ELOVL6: variants seen among roughly 807,000 people sequenced by gnomAD.
ELOVL6 encodes the protein very long chain fatty acid elongase 6.
Under a neutral mutation model 31.7 loss-of-function variants are expected in ELOVL6, and 8 were observed. The ratio of observed to expected loss-of-function variants is 0.25; its 90% CI spans 0.15 to 0.45. The LOEUF is 0.45. Among genes scored for constraint, ELOVL6 ranks in the 20% least tolerant of loss-of-function variants. The probability of loss-of-function intolerance (pLI) is 1.00; values close to 1 mark genes in which losing one functional copy is unlikely to be tolerated. For synonymous variants in ELOVL6, 101 were observed against 117.7 expected, an observed-to-expected ratio of 0.86 and a Z score of 0.92; for missense variants, 126 against 326.4, an observed-to-expected ratio of 0.39 and a Z score of 4.73.
At position 110,053,668 on chromosome 4, in the gene ELOVL6, G is replaced by A. The variant is rs76218415; in HGVS notation, c.374-1906C>T. On this transcript the variant is annotated intron_variant, in intron 3 of 3. Coordinates refer to ENST00000302274, the MANE Select transcript of ELOVL6 (RefSeq NM_024090.3). Reference sequence around the variant, plus strand: ...AAAAATACAAAAATTAGGCTGGCACGGTGGCTCACACCTGTAATTCCAGCA... The same window carrying A: ...AAAAATACAAAAATTAGGCTGGCACAGTGGCTCACACCTGTAATTCCAGCA... Among the ~76,000 whole-genome samples, 1,175 of 152,182 alleles carry A rather than the reference G, an allele frequency of 7.7e-3. 59 individuals carry two copies. In the East Asian group the frequency reaches 0.11, roughly 14 times the overall value.
chr4:110,165,740 G>A (rs1758756878), intron 1 of ELOVL6, among the ~76,000 whole-genome samples: 1 of 151,864 alleles, frequency 6.6e-6, no homozygotes, highest in Non-Finnish European at 1.5e-5. Flanking sequence ...ATTCCTGTCA[G>A]AACTAACAGG....
chr4:110,062,108 C>T (rs1320414801), intron 2 of ELOVL6, among the ~76,000 whole-genome samples: 1 of 152,034 alleles, frequency 6.6e-6, no homozygotes, highest in East Asian at 1.9e-4. Context: ...TAGAAGACTT[C>T]AGAGGAAGTG....
intron 2 of ELOVL6, among the ~76,000 whole-genome samples, chr4:110,091,664 C>T (rs28572278): frequency 0.26 from 39,444 of 151,990 alleles, 5,808 homozygotes; most frequent in East Asian, 0.59. Flanking sequence ...GCTCCAGTTC[C>T]GGGTTAACAC....
At chr4:110,084,553 C>T (rs1411667699) in intron 2 of ELOVL6, among the ~76,000 whole-genome samples, 2,552 of 57,206 alleles carry the variant, frequency 0.045, 182 homozygotes, top group African/African-American at 0.17. Flanking sequence ...CACACACACA[C>T]ACACACACAG....
At chr4:110,167,564 ACT>A (rs1758811780) in intron 1 of ELOVL6, among the ~76,000 whole-genome samples, 1 of 152,078 alleles carries the variant, frequency 6.6e-6, no homozygotes, top group African/African-American at 2.4e-5. Context: ...GCAGAGTCTC[ACT>A]CTGTTGCCCA....
At chr4:110,070,155 C>T (rs1485343906) in intron 2 of ELOVL6, among the ~76,000 whole-genome samples, 1 of 152,212 alleles carries the variant, frequency 6.6e-6, no homozygotes, top group Non-Finnish European at 1.5e-5. Context: ...TGCCACAACG[C>T]ATTCCTGTGG....
chr4:110,187,248 G>T (rs1241441898), intron 1 of ELOVL6, among the ~76,000 whole-genome samples: 1 of 151,576 alleles, frequency 6.6e-6, no homozygotes, highest in African/African-American at 2.4e-5. Context: ...ACAATTAAGA[G>T]GTCCTTTGAC....
At chr4:110,072,930 A>G (rs72676985) in intron 2 of ELOVL6, among the ~76,000 whole-genome samples, 8,636 of 152,224 alleles carry the variant, frequency 0.057, 275 homozygotes, top group Middle Eastern at 0.095. Context: ...CCCCAATTTA[A>G]TCACGAAATG....
chr4:110,147,653 T>C (rs1177001967), intron 1 of ELOVL6, among the ~76,000 whole-genome samples: 1 of 151,172 alleles, frequency 6.6e-6, no homozygotes, highest in East Asian at 2.0e-4. Flanking sequence ...CAACTGGGTA[T>C]GGTGGTGTGT....
chr4:110,069,087 G>A (rs185005417), intron 2 of ELOVL6, among the ~76,000 whole-genome samples: 12 of 150,906 alleles, frequency 8.0e-5, no homozygotes, highest in Admixed American at 4.0e-4. Context: ...CCAAGATTGC[G>A]CCACTGCACT....
At chr4:110,134,187 G>T (rs1757745700) in intron 1 of ELOVL6, among the ~76,000 whole-genome samples, 1 of 152,098 alleles carries the variant, frequency 6.6e-6, no homozygotes, top group East Asian at 1.9e-4. Flanking sequence ...CATTAGGTGT[G>T]GTGCTCAGGG....
intron 2 of ELOVL6, among the ~76,000 whole-genome samples, chr4:110,096,899 C>G (rs904572854): frequency 8.6e-5 from 13 of 151,822 alleles, no homozygotes; most frequent in East Asian, 3.9e-4. Flanking sequence ...GTTAACAGAC[C>G]AACAAAATTG....
rs761419119 is a variant in ELOVL6 at position 110,198,214 on chromosome 4, C to T, written c.89+33G>A. Reference sequence around the variant, plus strand: ...CACTCCGGGAAGACGCGCAGGGCTCCCGGGAACAGTATCAGGCGAAAGCAT... The same window carrying T: ...CACTCCGGGAAGACGCGCAGGGCTCTCGGGAACAGTATCAGGCGAAAGCAT... On this transcript the variant is annotated intron_variant, in intron 1 of 3. Coordinates refer to ENST00000302274, the MANE Select transcript of ELOVL6 (RefSeq NM_024090.3). The T allele has an allele frequency of 1.4e-5, 19 of 1,350,406 alleles. No homozygotes were observed. In the South Asian group the frequency reaches 2.0e-4, roughly 14 times the overall value. 83.7% of individuals were successfully genotyped at this position (1,350,406 alleles called of 1,614,324 possible).
At chr4:110,105,364 A>G (rs3733623) in intron 2 of ELOVL6, 133 bp downstream of exon 2, 249,753 of 950,982 alleles carry the variant, frequency 0.26, 39,618 homozygotes, top group East Asian at 0.71. Flanking sequence ...CTTTCTGAAC[A>G]TGACTTTATT....
rs1036214446 is a variant in ELOVL6 at position 110,047,908 on chromosome 4, A to G, written c.*3430T>C. On this transcript the variant is annotated 3_prime_UTR_variant, in exon 4 of 4. Transcript: ENST00000302274. ...TCCACCTCAAAAAAAAAAAAAAAAA[A>G]AAAAAGAAAGACATTCTGTGGGTCT... The G allele has an allele frequency of 2.0e-4, 31 of 151,650 alleles. No individual in the cohort carries two copies. Among genetic ancestry groups the G allele is most frequent in the African/African-American group, 6.5e-4 (27 of 41,328 alleles). 9.4% of individuals were successfully genotyped at this position (151,650 alleles called of 1,614,324 possible).
At chr4:110,127,901 G>A (rs1757554883) in intron 1 of ELOVL6, among the ~76,000 whole-genome samples, 1 of 151,998 alleles carries the variant, frequency 6.6e-6, no homozygotes, top group Admixed American at 6.6e-5. Flanking sequence ...AATCAGAAAA[G>A]CAGGGGACTA....
intron 2 of ELOVL6, among the ~76,000 whole-genome samples, chr4:110,073,066 C>T (rs969880677): frequency 1.3e-5 from 2 of 152,172 alleles, no homozygotes; most frequent in South Asian, 4.1e-4. Context: ...CTTAAACTCT[C>T]GTACCTATTC....
chr4:110,181,977 T>G lies in ELOVL6; in HGVS notation c.89+16270A>C, dbSNP rs867905246. Reference sequence around the variant, plus strand: ...AGGCATTCTGCAGTACTACTGAAGATATTTGTTAACCACGTACTCCAGGTA... The same window carrying G: ...AGGCATTCTGCAGTACTACTGAAGAGATTTGTTAACCACGTACTCCAGGTA... On this transcript the variant is annotated intron_variant, in intron 1 of 3. Transcript: ENST00000302274. Among the ~76,000 whole-genome samples the G allele has an allele frequency of 2.1e-4, 32 of 152,328 alleles. No individual in the cohort carries two copies. The Middle Eastern group carries it at 0.017, about 81-fold the overall frequency.
chr4:110,084,166 G>A lies in ELOVL6; in HGVS notation c.221+21331C>T, dbSNP rs1358937277. Among the ~76,000 whole-genome samples the A allele has an allele frequency of 1.8e-4, 6 of 33,166 alleles. 1 individual carries two copies. Among genetic ancestry groups the A allele is most frequent in the African/African-American group, 6.9e-4 (2 of 2,892 alleles). The allele number at this position is 33,166 out of a possible 152,430, so 21.8% of individuals were successfully genotyped here. A position where few individuals can be genotyped will look rare whatever the true frequency, so the allele number is the denominator to read the frequency against. On this transcript the variant is annotated intron_variant, in intron 2 of 3. Coordinates refer to ENST00000302274, the MANE Select transcript of ELOVL6 (RefSeq NM_024090.3). ...TATATGATATATATAACATATATGTGATATATATGATATATATAACATATA... is the reference window on the plus strand; with the variant it reads ...TATATGATATATATAACATATATGTAATATATATGATATATATAACATATA...
Sources: allele counts gnomAD v4.1 joint callset (sites outside exome capture counted in the v4.1 genomes callset), GRCh38; gene constraint gnomAD v4.1.1; transcripts MANE v1.5; gene names NCBI Gene and HGNC (gene_info 2026-07-23, HGNC 2026-07-21).